Variants in FGD2 observed in about 807,000 individuals in gnomAD.
FGD2 encodes FYVE, RhoGEF and PH domain containing 2, also known as FYVE, RhoGEF and PH domain-containing protein 2.
Under a neutral mutation model 75.9 loss-of-function variants are expected in FGD2, and 52 were observed. That is an observed-to-expected ratio of 0.69 (90% CI 0.55 to 0.86). The LOEUF is 0.86. Ranked by LOEUF, FGD2 falls within the 40% of genes least tolerant of loss-of-function variation. The pLI is 0.00. For synonymous variants in FGD2, 347 were observed against 348.6 expected, an observed-to-expected ratio of 1.00 and a Z score of 0.05; for missense variants, 790 against 872.0, an observed-to-expected ratio of 0.91 and a Z score of 1.18.
Position 37,011,646 on chromosome 6 carries a change from G to A in FGD2, c.379-60G>A, listed in dbSNP as rs546994527. 7.8e-5 allele frequency: 126 copies of A among 1,609,494 alleles called. 1 individual carries two copies. The highest frequency in any genetic ancestry group is 2.9e-4 in the African/African-American group (22 of 74,808). Reference sequence around the variant, plus strand: ...GGCTTGGTGGGACCCTAGTTCCCCCGGGCTGATGTGTGGGTGGCTCCCTGT... The same window carrying A: ...GGCTTGGTGGGACCCTAGTTCCCCCAGGCTGATGTGTGGGTGGCTCCCTGT... On this transcript the variant is annotated intron_variant, in intron 3 of 15. Coordinates refer to ENST00000274963, the MANE Select transcript of FGD2 (RefSeq NM_173558.4).
intron 4 of FGD2, 88 bp downstream of exon 4, chr6:37,011,942 C>T (rs1338108231): frequency 6.9e-7 from 1 of 1,458,662 alleles, no homozygotes; most frequent in East Asian, 2.3e-5. Flanking sequence ...GGTTCAGCCT[C>T]CTAGGCCCAG....
chr6:37,014,807 C>G, intron 7 of FGD2, 85 bp from the exon 8 acceptor site: 2 of 1,609,006 alleles, frequency 1.2e-6, no homozygotes, highest in Non-Finnish European at 1.7e-6. Flanking sequence ...CTGTTACCCC[C>G]CAGTCCCCGT....
intron 9 of FGD2, among the ~76,000 whole-genome samples, chr6:37,020,289 G>A (rs138516504): frequency 2.7e-5 from 4 of 150,148 alleles, no homozygotes; most frequent in South Asian, 4.2e-4. Context: ...TCATCTCCAC[G>A]TCACACTGGG....
In FGD2 at chr6:37,015,782, G is replaced by A. The variant is rs1765256658; in HGVS notation, c.1044G>A (p.Leu348=). The A allele has an allele frequency of 2.5e-6, 4 of 1,592,162 alleles. No homozygotes were observed. Among genetic ancestry groups the A allele is most frequent in the East Asian group, 2.3e-5 (1 of 44,156 alleles). The stretch of plus-strand genomic sequence containing the variant: ...GTCTCCTGCAGTTCAACAACATGCT[G>A]CTCTACTGTGTGCCCAGGGTGATCC... ...ERYLFLFNNM[L]LYCVPRVIQV... The change falls in exon 9 of 16, where the codon CTG becomes CTA. Residue 348 remains leucine (L), a synonymous_variant. Transcript: ENST00000274963.
At position 37,021,546 on chromosome 6, in the gene FGD2, G is replaced by A. The variant is rs1302935876; in HGVS notation, c.1268G>A (p.Arg423Gln). Residue 423 changes from arginine (R) to glutamine (Q), a missense_variant, in exon 12 of 16, where the codon CGG becomes CAG. Arg to Gln is a conservative substitution (Grantham distance 43). Coordinates refer to ENST00000274963, the MANE Select transcript of FGD2 (RefSeq NM_173558.4). The part of the protein sequence containing the change: ...FQAAIDQIEK[R>Q]NETFKAAAQG... ...GCAGCCATTGACCAAATCGAGAAGC[G>A]GAATGAAACCTTCAAGGCTGCGGCC... 1.9e-6 allele frequency: 3 copies of A among 1,614,016 alleles called. No individual in the cohort carries two copies. Among genetic ancestry groups the A allele is most frequent in the South Asian group, 1.1e-5 (1 of 91,034 alleles).
intron 14 of FGD2, 38 bp downstream of exon 14, chr6:37,025,976 T>C: frequency 1.9e-6 from 3 of 1,610,272 alleles, no homozygotes; most frequent in Non-Finnish European, 2.5e-6. Flanking sequence ...ATCCGTCCTC[T>C]GTTCAGGGAA....
In FGD2 at chr6:37,021,543, AGC is replaced by A; in HGVS notation, c.1267_1268del (p.Arg423GlufsTer2). ...CAAGCAGCCATTGACCAAATCGAGA[AGC>A]GGAATGAAACCTTCAAGGCTGCGGC... On this transcript the variant is annotated frameshift_variant, in exon 12 of 16. Coordinates refer to ENST00000274963, the MANE Select transcript of FGD2 (RefSeq NM_173558.4). LOFTEE classifies it high-confidence loss of function. 1 of 1,614,056 alleles carries A rather than the reference AGC, an allele frequency of 6.2e-7. No individual in the cohort carries two copies. Among genetic ancestry groups the A allele is most frequent in the Non-Finnish European group, 8.5e-7 (1 of 1,179,960 alleles).
In FGD2 at chr6:37,015,021, G is replaced by C; in HGVS notation, c.1012G>C (p.Glu338Gln). Residue 338 changes from glutamate to glutamine, a missense_variant, in exon 8 of 16, where the codon GAG (glutamate) becomes CAG (glutamine). Coordinates refer to ENST00000274963, the MANE Select transcript of FGD2 (RefSeq NM_173558.4). ...CTCCTTCCGCCGCAACGACCCCATG[G>C]AGCGCTACCTTTTCTTGGTAAGAGG... ...KISFRRNDPM[E>Q]RYLFLFNNML... The C allele has an allele frequency of 6.2e-7, 1 of 1,613,868 alleles. No homozygotes were observed. The highest frequency in any genetic ancestry group is 8.5e-7 in the Non-Finnish European group (1 of 1,179,884).
At chr6:37,007,816 C>G (rs890004270) in intron 1 of FGD2, among the ~76,000 whole-genome samples, 1 of 152,176 alleles carries the variant, frequency 6.6e-6, no homozygotes, top group Non-Finnish European at 1.5e-5. Flanking sequence ...AAACCAGGGA[C>G]TGGGGTGCCA....
intron 3 of FGD2, 154 bp downstream of exon 3, chr6:37,011,204 T>C: frequency 1.4e-6 from 1 of 702,162 alleles, no homozygotes; most frequent in Non-Finnish European, 2.5e-6. Context: ...TGGCTGGGGT[T>C]GGGGTAGAAT....
At chr6:37,006,615 T>C (rs1764766459) in intron 1 of FGD2, among the ~76,000 whole-genome samples, 1 of 152,092 alleles carries the variant, frequency 6.6e-6, no homozygotes, top group Admixed American at 6.5e-5. Flanking sequence ...TTTGTGTGTG[T>C]GCGCGTGTGT....
In FGD2 at chr6:37,028,101, A is replaced by G. The variant is rs1765916339; in HGVS notation, c.1906A>G (p.Met636Val). Residue 636 changes from methionine (M) to valine (V), a missense_variant, in exon 16 of 16, where the codon ATG becomes GTG. Physicochemically the swap from Met to Val is conservative, Grantham distance 21. Transcript: ENST00000274963. ...EELKGRWVKAMERAASGWSPS... is the reference protein window; with the variant it reads ...EELKGRWVKAVERAASGWSPS... Reference sequence around the variant, plus strand: ...GCTGAAGGGCCGCTGGGTGAAGGCCATGGAGCGGGCGGCCAGTGGCTGGAG... The same window carrying G: ...GCTGAAGGGCCGCTGGGTGAAGGCCGTGGAGCGGGCGGCCAGTGGCTGGAG... The G allele has an allele frequency of 1.9e-6, 3 of 1,612,376 alleles. No individual in the cohort carries two copies. The highest frequency in any genetic ancestry group is 1.7e-6 in the Non-Finnish European group (2 of 1,179,434).
At position 37,014,687 on chromosome 6, in the gene FGD2, G is replaced by A. The variant is rs747146242; in HGVS notation, c.865G>A (p.Ala289Thr). The change falls in exon 7 of 16, where the codon GCA becomes ACA. Residue 289 changes from alanine (A) to threonine (T), a missense_variant. By Grantham distance (58) the Ala-to-Thr change is moderately conservative. Transcript: ENST00000274963. ...CTTCTCAGCTGCCCAGCACTCCAAT[G>A]CAGCCATCACTGAGATGGTAAGCAG... ...MIFSAAQHSN[A>T]AITEMERLQD... is the part of the protein sequence containing the mutation. 6.2e-7 allele frequency: 1 copy of A among 1,614,024 alleles called. No homozygotes were observed. The highest frequency in any genetic ancestry group is 8.5e-7 in the Non-Finnish European group (1 of 1,179,992).
intron 3 of FGD2, chr6:37,011,348 T>C: frequency 5.4e-6 from 3 of 557,158 alleles, no homozygotes; most frequent in Non-Finnish European, 9.6e-6. Flanking sequence ...GCCCACAACC[T>C]CACAACGATC....
Position 37,027,454 on chromosome 6 carries a change from A to C in FGD2, c.1631A>C (p.Gln544Pro). ...LEKGSSATPD[Q>P]SLMCSFLQLI... ...AAAGGGTCCTCAGCCACGCCTGACC[A>C]GAGCCTGATGTGCAGCTTCCTGCAG... The change falls in exon 15 of 16, where the codon CAG (glutamine) becomes CCG (proline). Residue 544 changes from glutamine (Q) to proline (P), a missense_variant. Physicochemically the swap from Gln to Pro is moderately conservative, Grantham distance 76. Coordinates refer to ENST00000274963, the MANE Select transcript of FGD2 (RefSeq NM_173558.4). 6.2e-7 allele frequency: 1 copy of C among 1,613,064 alleles called. No individual in the cohort carries two copies. Among genetic ancestry groups the C allele is most frequent in the Non-Finnish European group, 8.5e-7 (1 of 1,179,218 alleles).
In FGD2 at chr6:37,023,992, A is replaced by T. The variant is rs369564822; in HGVS notation, c.1458+1622A>T. ...CTTTCTGGGGTAAAATAAAGCTATC[A>T]AGGTTGCTCTTGGGACCATTGGGAG... On this transcript the variant is annotated intron_variant, in intron 13 of 15. Transcript: ENST00000274963. 3 of 152,228 alleles carry T rather than the reference A, an allele frequency of 2.0e-5. No homozygotes were observed. In the East Asian group the frequency reaches 5.8e-4, roughly 29 times the overall value. The allele number at this position is 152,228 out of a possible 1,614,324, so 9.4% of individuals were successfully genotyped here.
intron 2 of FGD2, among the ~76,000 whole-genome samples, chr6:37,010,305 G>T (rs1331257473): frequency 2.0e-5 from 3 of 152,134 alleles, no homozygotes; most frequent in African/African-American, 7.2e-5. Flanking sequence ...TCCTTACATG[G>T]CCATTTCTTT....
chr6:37,027,094 A>G lies in FGD2; in HGVS notation c.1606-335A>G, dbSNP rs563476462. ...CTTCCAGGCCCAGGACCCCCTGACC[A>G]CTAGGCAACACAGCCTGCCCCTGGA... On this transcript the variant is annotated intron_variant, in intron 14 of 15. Transcript: ENST00000274963. Among the ~76,000 whole-genome samples, 90 of 151,100 alleles carry G rather than the reference A, an allele frequency of 6.0e-4. 1 individual carries two copies. In the South Asian group the frequency reaches 7.3e-3, roughly 12 times the overall value.
rs183698723 is a variant in FGD2 at position 37,014,974 on chromosome 6, G to A, written c.965G>A (p.Arg322His). 4.5e-5 allele frequency: 73 copies of A among 1,614,118 alleles called. No individual in the cohort carries two copies. The highest frequency in any genetic ancestry group is 1.8e-4 in the East Asian group (8 of 44,874). The change falls in exon 8 of 16, where the codon CGT becomes CAT. Residue 322 changes from arginine (R) to histidine (H), a missense_variant. Arg to His is a conservative substitution (Grantham distance 29). Transcript: ENST00000274963. The part of the protein sequence containing the change: ...DIVDPSNTLL[R>H]EGPVLKISFR... ...GTAGACCCCTCTAACACCCTGCTCC[G>A]TGAGGGCCCGGTCCTCAAGATCTCC...
Sources: gnomAD v4.1 joint callset for allele counts (sites outside exome capture counted in the v4.1 genomes callset) on GRCh38, gnomAD v4.1.1 for gene constraint, MANE v1.5 for transcripts, NCBI Gene and HGNC (gene_info 2026-07-23, HGNC 2026-07-21) for gene names.